RORB: variants seen among roughly 807,000 people sequenced by gnomAD.
RORB encodes nuclear receptor ROR-beta.
RORB carries 6 observed loss-of-function variants against 59.1 expected under a neutral mutation model. That is an observed-to-expected ratio of 0.10 (90% CI 0.06 to 0.20). The LOEUF (loss-of-function observed/expected upper bound fraction) is 0.20. Among genes scored for constraint, RORB ranks in the 10% least tolerant of loss-of-function variants. The pLI is 1.00. For synonymous variants in RORB, 215 were observed against 204.5 expected, an observed-to-expected ratio of 1.05 and a Z score of -0.44; for missense variants, 320 against 560.5, an observed-to-expected ratio of 0.57 and a Z score of 4.33.
intron 4 of RORB, among the ~76,000 whole-genome samples, chr9:74,647,947 C>T (rs974133387): frequency 8.5e-5 from 13 of 152,146 alleles, no homozygotes; most frequent in Non-Finnish European, 1.9e-4. Context: ...ATATTTTATA[C>T]TGTTTAAATC....
intron 1 of RORB, among the ~76,000 whole-genome samples, chr9:74,587,417 T>G (rs2118274933): frequency 6.6e-6 from 1 of 152,374 alleles, no homozygotes; most frequent in Non-Finnish European, 1.5e-5. Flanking sequence ...CCCTCTTGCC[T>G]ATTTTATATA....
At chr9:74,498,065 C>G in intron 1 of RORB, 82 bp downstream of exon 1, 1 of 1,508,542 alleles carries the variant, frequency 6.6e-7, no homozygotes, top group East Asian at 2.3e-5. Context: ...GGAGGGCACC[C>G]AGCAGAAAGG....
chr9:74,519,139 AG>A (rs1270885468), intron 1 of RORB, among the ~76,000 whole-genome samples: 2 of 152,018 alleles, frequency 1.3e-5, no homozygotes. Context: ...ATGAGGAAAA[AG>A]CTCAAAGGCC....
intron 1 of RORB, among the ~76,000 whole-genome samples, chr9:74,568,494 G>T (rs1481403308): frequency 1.3e-5 from 2 of 151,944 alleles, no homozygotes; most frequent in Non-Finnish European, 2.9e-5. Context: ...GAGGTCAGGA[G>T]TTCAAGACCA....
chr9:74,546,241 A>G (rs1290104581), intron 1 of RORB, among the ~76,000 whole-genome samples: 2 of 152,220 alleles, frequency 1.3e-5, no homozygotes, highest in South Asian at 2.1e-4. Context: ...ATCTGGGTTT[A>G]CCACTTGAAA....
At chr9:74,542,424 A>T (rs1461325995) in intron 1 of RORB, among the ~76,000 whole-genome samples, 1 of 152,220 alleles carries the variant, frequency 6.6e-6, no homozygotes, top group Admixed American at 6.5e-5. Flanking sequence ...TTAAATTGCA[A>T]AGTAGACACA....
chr9:74,671,300 A>G (rs1824342430), intron 8 of RORB, among the ~76,000 whole-genome samples: 1 of 152,206 alleles, frequency 6.6e-6, no homozygotes, highest in Non-Finnish European at 1.5e-5. Context: ...TTAGAAGTGA[A>G]TTTTTGAAAC....
At chr9:74,647,346 C>T (rs1233959997) in intron 4 of RORB, among the ~76,000 whole-genome samples, 1 of 152,170 alleles carries the variant, frequency 6.6e-6, no homozygotes, top group Admixed American at 6.5e-5. Context: ...TTAATGAAAG[C>T]TCATTTAAGC....
intron 1 of RORB, among the ~76,000 whole-genome samples, chr9:74,551,784 G>GA (rs1337703686): frequency 6.6e-6 from 1 of 152,110 alleles, no homozygotes; most frequent in Non-Finnish European, 1.5e-5. Context: ...TTTGTCCTGG[G>GA]AAAAAAATTA....
At position 74,685,828 on chromosome 9, in the gene RORB, C is replaced by A; in HGVS notation, c.*210C>A. ...TTTGTTTGTTTGTTTTTGAAATGACCATAAATATACAAATATAGGACACTG... is the reference window on the plus strand; with the variant it reads ...TTTGTTTGTTTGTTTTTGAAATGACAATAAATATACAAATATAGGACACTG... On this transcript the variant is annotated 3_prime_UTR_variant, in exon 10 of 10. Coordinates refer to ENST00000376896, the MANE Select transcript of RORB (RefSeq NM_006914.4). 2.7e-6 allele frequency: 1 copy of A among 363,674 alleles called. No individual in the cohort carries two copies. The highest frequency in any genetic ancestry group is 4.9e-6 in the Non-Finnish European group (1 of 204,406). 22.5% of individuals were successfully genotyped at this position (363,674 alleles called of 1,614,324 possible).
At chr9:74,661,706 G>A (rs1824186508) in intron 5 of RORB, among the ~76,000 whole-genome samples, 1 of 137,448 alleles carries the variant, frequency 7.3e-6, no homozygotes, top group Admixed American at 7.8e-5. Flanking sequence ...GTGCAGTGGC[G>A]CGATCTCGGC....
intron 9 of RORB, among the ~76,000 whole-genome samples, chr9:74,677,750 C>T (rs1024673800): frequency 6.6e-6 from 1 of 152,164 alleles, no homozygotes; most frequent in Non-Finnish European, 1.5e-5. Flanking sequence ...GAGTATGCAG[C>T]CTTCACTTTG....
intron 4 of RORB, among the ~76,000 whole-genome samples, chr9:74,659,631 C>T (rs1487672664): frequency 6.6e-6 from 1 of 152,128 alleles, no homozygotes; most frequent in Non-Finnish European, 1.5e-5. Flanking sequence ...GCTGGGATTA[C>T]AGGCGTGTGC....
At chr9:74,645,057 G>A (rs1251823936) in intron 4 of RORB, among the ~76,000 whole-genome samples, 1 of 152,142 alleles carries the variant, frequency 6.6e-6, no homozygotes, top group Non-Finnish European at 1.5e-5. Flanking sequence ...GATACCTCTA[G>A]TCTTTAGATA....
intron 1 of RORB, among the ~76,000 whole-genome samples, chr9:74,571,485 A>T (rs988450266): frequency 2.6e-5 from 4 of 151,862 alleles, no homozygotes; most frequent in Admixed American, 6.6e-5. Flanking sequence ...TTCTCTATTC[A>T]CTGTCTCACA....
chr9:74,617,689 C>A (rs1823335796), intron 1 of RORB, among the ~76,000 whole-genome samples: 1 of 152,098 alleles, frequency 6.6e-6, no homozygotes, highest in African/African-American at 2.4e-5. Flanking sequence ...TGACACCGGG[C>A]CTTTGTGACA....
chr9:74,527,650 A>G (rs1203213996), intron 1 of RORB, among the ~76,000 whole-genome samples: 1 of 152,032 alleles, frequency 6.6e-6, no homozygotes, highest in Non-Finnish European at 1.5e-5. Context: ...TTTACAGAAG[A>G]GAGAACACAA....
At chr9:74,614,487 G>A (rs1010550076) in intron 1 of RORB, among the ~76,000 whole-genome samples, 3 of 152,048 alleles carry the variant, frequency 2.0e-5, no homozygotes, top group Admixed American at 6.5e-5. Flanking sequence ...AATTATGTGA[G>A]ATGATGGATA....
chr9:74,628,568 CT>C (rs1361228675), intron 1 of RORB, among the ~76,000 whole-genome samples: 1 of 152,084 alleles, frequency 6.6e-6, no homozygotes, highest in Non-Finnish European at 1.5e-5. Context: ...GAAATATTTA[CT>C]TTTTTAAAAA....
Sources: allele counts gnomAD v4.1 joint callset (sites outside exome capture counted in the v4.1 genomes callset), GRCh38; gene constraint gnomAD v4.1.1; transcripts MANE v1.5; gene names NCBI Gene and HGNC (gene_info 2026-07-23, HGNC 2026-07-21).